EYS: variants seen among roughly 807,000 people sequenced by gnomAD.
The protein encoded by EYS is protein eyes shut homolog.
EYS carries 250 observed loss-of-function variants against 282.1 expected under a neutral mutation model. The observed-to-expected ratio is 0.89, with a 90% CI of 0.80 to 0.98. The LOEUF (loss-of-function observed/expected upper bound fraction) is 0.98. Among genes scored for constraint, EYS ranks in the 50% least tolerant of loss-of-function variants. The pLI, the probability that EYS is intolerant of heterozygous loss-of-function variation, is 0.00. For missense variants in EYS, 4,016 were observed against 3,709.0 expected, an observed-to-expected ratio of 1.08 and a Z score of -2.15; for synonymous variants, 1,355 against 1,282.9, an observed-to-expected ratio of 1.06 and a Z score of -1.20.
intron 22 of EYS, among the ~76,000 whole-genome samples, chr6:64,780,320 G>T (rs1247376612): frequency 1.3e-5 from 2 of 152,140 alleles, no homozygotes; most frequent in Non-Finnish European, 2.9e-5. Flanking sequence ...TTGAAGAAAA[G>T]AAAATGGTAG....
chr6:64,515,377 T>A (rs1444653670), intron 26 of EYS, among the ~76,000 whole-genome samples: 3 of 151,556 alleles, frequency 2.0e-5, no homozygotes, highest in African/African-American at 7.3e-5. Flanking sequence ...TGTATTTAAT[T>A]TGTAAATATC....
At chr6:65,005,195 G>T (rs1298087166) in intron 13 of EYS, among the ~76,000 whole-genome samples, 3 of 147,914 alleles carry the variant, frequency 2.0e-5, no homozygotes, top group Admixed American at 2.0e-4. Context: ...CTGTGCTCCT[G>T]ATCCAGCGAG....
intron 26 of EYS, among the ~76,000 whole-genome samples, chr6:64,574,608 T>G (rs1362548328): frequency 1.3e-5 from 2 of 152,016 alleles, no homozygotes; most frequent in African/African-American, 2.4e-5. Flanking sequence ...AAGAAAAACC[T>G]CGAGGGAGAA....
intron 22 of EYS, among the ~76,000 whole-genome samples, chr6:64,692,855 C>T (rs963215633): frequency 4.0e-5 from 6 of 151,654 alleles, no homozygotes; most frequent in African/African-American, 9.7e-5. Context: ...TCTATATGTC[C>T]GTTTTCATTC....
At chr6:63,833,520 T>C (rs143796968) in intron 36 of EYS, among the ~76,000 whole-genome samples, 1 of 152,088 alleles carries the variant, frequency 6.6e-6, no homozygotes, top group Non-Finnish European at 1.5e-5. Context: ...AAGGACCTCT[T>C]CAAGGAGAAC....
At chr6:64,331,582 G>T (rs572148634) in intron 29 of EYS, among the ~76,000 whole-genome samples, 1 of 109,098 alleles carries the variant, frequency 9.2e-6, no homozygotes, top group African/African-American at 3.9e-5. Context: ...TGGGAGGCTC[G>T]CCTTCCAATA....
intron 13 of EYS, among the ~76,000 whole-genome samples, chr6:65,000,617 TA>T (rs201736723): frequency 0.071 from 10,529 of 147,846 alleles, 443 homozygotes; most frequent in East Asian, 0.14. Flanking sequence ...ACTAAAAATA[TA>T]AAAAAAAAAA....
chr6:65,094,822 A>G (rs1009388795), intron 12 of EYS, among the ~76,000 whole-genome samples: 1 of 151,284 alleles, frequency 6.6e-6, no homozygotes, highest in Non-Finnish European at 1.5e-5. Flanking sequence ...CTGGAAAAGG[A>G]ATAACAAATT....
At chr6:65,129,093 G>A (rs1378247216) in intron 12 of EYS, among the ~76,000 whole-genome samples, 1 of 151,970 alleles carries the variant, frequency 6.6e-6, no homozygotes, top group African/African-American at 2.4e-5. Context: ...GGTGGGTGCT[G>A]AGATAACTGG....
chr6:65,185,505 A>C (rs1765495814), intron 12 of EYS, among the ~76,000 whole-genome samples: 1 of 151,856 alleles, frequency 6.6e-6, no homozygotes, highest in Non-Finnish European at 1.5e-5. Context: ...ACTGGAGTTT[A>C]ATCAATTTAT....
In EYS at chr6:64,151,317, TTATATATATATATATA is replaced by T. The variant is rs61575285; in HGVS notation, c.6425-69331_6425-69316del. 7.0e-3 allele frequency among the ~76,000 whole-genome samples: 366 copies of T among 52,468 alleles called. 6 individuals carry two copies. The highest frequency in any genetic ancestry group is 0.038 in the Middle Eastern group (2 of 52). The allele number at this position is 52,468 out of a possible 152,430, so 34.4% of individuals were successfully genotyped here. A position where few individuals can be genotyped will look rare whatever the true frequency, so the allele number is the denominator to read the frequency against. On this transcript the variant is annotated intron_variant, in intron 31 of 42. Coordinates refer to ENST00000503581, the MANE Select transcript of EYS (RefSeq NM_001142800.2). ...TTTTCACACGTGTGTGTGTGTATAT[TTATATATATATATATA>T]TATATATATATATATATATATATAT...
At chr6:65,084,896 G>A (rs932852729) in intron 12 of EYS, among the ~76,000 whole-genome samples, 3 of 152,102 alleles carry the variant, frequency 2.0e-5, no homozygotes, top group African/African-American at 7.2e-5. Flanking sequence ...GAATAAGAAA[G>A]AGGGTGTGTT....
chr6:64,112,794 T>G (rs184381143), intron 31 of EYS, among the ~76,000 whole-genome samples: 3,554 of 149,890 alleles, frequency 0.024, 119 homozygotes, highest in African/African-American at 0.081. Context: ...ATATCTATAA[T>G]ATCTATATAT....
At chr6:64,868,307 C>T (rs1766486712) in intron 19 of EYS, among the ~76,000 whole-genome samples, 1 of 151,152 alleles carries the variant, frequency 6.6e-6, no homozygotes, top group South Asian at 2.1e-4. Flanking sequence ...ATATTTTTTT[C>T]TCATTTTCAT....
intron 26 of EYS, among the ~76,000 whole-genome samples, chr6:64,516,840 T>C (rs1300335247): frequency 6.6e-6 from 1 of 151,796 alleles, no homozygotes; most frequent in Non-Finnish European, 1.5e-5. Context: ...TCCAAAGTAA[T>C]GTAGAAAAAC....
At chr6:64,647,555 T>C (rs1260876209) in intron 22 of EYS, among the ~76,000 whole-genome samples, 1 of 152,204 alleles carries the variant, frequency 6.6e-6, no homozygotes, top group Non-Finnish European at 1.5e-5. Context: ...AAAGGAAAGA[T>C]GCTTTATGGC....
chr6:63,829,383 T>A (rs1315610252), intron 36 of EYS, among the ~76,000 whole-genome samples: 2 of 152,130 alleles, frequency 1.3e-5, no homozygotes, highest in African/African-American at 2.4e-5. Flanking sequence ...GCTTCTCCAA[T>A]GGTCTTAGCA....
chr6:64,023,647 C>G (rs1159787264), intron 33 of EYS, among the ~76,000 whole-genome samples: 1 of 152,264 alleles, frequency 6.6e-6, no homozygotes, highest in Non-Finnish European at 1.5e-5. Context: ...GCTCTCGGCA[C>G]CTCCTTTGCC....
At chr6:64,783,919 G>T (rs1227209942) in intron 22 of EYS, among the ~76,000 whole-genome samples, 10 of 152,064 alleles carry the variant, frequency 6.6e-5, no homozygotes, top group Non-Finnish European at 1.0e-4. Flanking sequence ...TTTAGAGACA[G>T]AAAGTCTTCT....
Sources: allele counts gnomAD v4.1 joint callset (sites outside exome capture counted in the v4.1 genomes callset), GRCh38; gene constraint gnomAD v4.1.1; transcripts MANE v1.5; gene names NCBI Gene and HGNC (gene_info 2026-07-23, HGNC 2026-07-21).